CASK: variants seen among roughly 807,000 people sequenced by gnomAD.
The protein encoded by CASK is calcium/calmodulin dependent serine protein kinase.
Under a neutral mutation model 82.9 loss-of-function variants are expected in CASK, and 4 were observed. The ratio of observed to expected loss-of-function variants is 0.05; its 90% CI spans 0.02 to 0.11. CASK has a LOEUF of 0.11. Ranked by LOEUF, CASK falls within the 10% of genes least tolerant of loss-of-function variation. CASK has a pLI of 1.00. For missense variants in CASK, 358 were observed against 720.9 expected (o/e 0.50, Z 5.76); for synonymous variants, 259 against 253.5 (o/e 1.02, Z -0.20).
chrX:41,891,817 G>A (rs2072175358), intron 1 of CASK, among the ~76,000 whole-genome samples: 1 of 112,069 alleles, frequency 8.9e-6, no homozygotes, highest in Non-Finnish European at 1.9e-5. Context: ...CAAAATGGGG[G>A]AAAAACAAAT....
rs1317923664 is a variant in CASK at position 41,588,187 on chromosome X, A to G, written c.1234-1200T>C. 19 of 112,233 alleles carry G rather than the reference A, an allele frequency of 1.7e-4. No homozygotes were observed. The Admixed American group carries it at 1.8e-3, about 11-fold the overall frequency. The allele number at this position is 112,233 out of a possible 1,213,427, so 9.2% of individuals were successfully genotyped here. ...AGTGCTGGTTATGCTGTTAATTCAT[A>G]TTGTTTCAAGATGATAAACCAATTA... On this transcript the variant is annotated intron_variant, in intron 13 of 26. Coordinates refer to ENST00000378163, the MANE Select transcript of CASK (RefSeq NM_001367721.1).
intron 25 of CASK, chrX:41,529,385 A>AGCAGCAGCG (rs1437827635): frequency 3.9e-5 from 7 of 180,428 alleles, no homozygotes; most frequent in Admixed American, 1.3e-4. Context: ...GTGGAGCAGC[A>AGCAGCAGCG]GCAGCAGCGG....
intron 12 of CASK, among the ~76,000 whole-genome samples, chrX:41,594,878 C>T (rs1426674836): frequency 8.9e-6 from 1 of 111,798 alleles, no homozygotes; most frequent in East Asian, 2.8e-4. Flanking sequence ...GTCTGCCACA[C>T]CAAGGGCATC....
chrX:41,667,046 C>T (rs1428971669), intron 6 of CASK, among the ~76,000 whole-genome samples: 7 of 111,209 alleles, frequency 6.3e-5, no homozygotes, highest in East Asian at 2.8e-4. Flanking sequence ...ACTCCTACCA[C>T]TTCCTGGGCC....
intron 5 of CASK, among the ~76,000 whole-genome samples, chrX:41,701,392 C>A (rs2067790527): frequency 8.9e-6 from 1 of 112,383 alleles, no homozygotes; most frequent in Non-Finnish European, 1.9e-5. Context: ...GAAAAATATT[C>A]ACAACAGATA....
At chrX:41,650,938 T>G (rs1244058595) in intron 8 of CASK, among the ~76,000 whole-genome samples, 1 of 112,076 alleles carries the variant, frequency 8.9e-6, no homozygotes, top group Non-Finnish European at 1.9e-5. Flanking sequence ...CATCTTCAGA[T>G]GACATAAGTA....
chrX:41,682,788 T>C (rs756789678), intron 5 of CASK, among the ~76,000 whole-genome samples: 4 of 109,392 alleles, frequency 3.7e-5, no homozygotes, highest in Non-Finnish European at 7.6e-5. Context: ...ATTAAAAACA[T>C]TTTTTGGGGG....
chrX:41,579,871 T>C (rs1366478410), intron 14 of CASK, among the ~76,000 whole-genome samples: 1 of 111,328 alleles, frequency 9.0e-6, no homozygotes, highest in Non-Finnish European at 1.9e-5. Context: ...AAGAAGATAA[T>C]GCTGATTTGT....
At chrX:41,580,694 A>T (rs1051037516) in intron 14 of CASK, among the ~76,000 whole-genome samples, 1 of 111,715 alleles carries the variant, frequency 9.0e-6, no homozygotes, top group African/African-American at 3.3e-5. Flanking sequence ...ATCCAAACAG[A>T]AAAAGGGGGC....
chrX:41,528,243 G>A (rs771621617), intron 25 of CASK, among the ~76,000 whole-genome samples: 1 of 112,301 alleles, frequency 8.9e-6, no homozygotes, highest in African/African-American at 3.2e-5. Context: ...GAGTCATAAC[G>A]CCTGGCAAAA....
intron 15 of CASK, among the ~76,000 whole-genome samples, chrX:41,572,329 G>A (rs1006390219): frequency 4.6e-5 from 5 of 109,635 alleles, no homozygotes; most frequent in African/African-American, 1.7e-4. Context: ...GATACAGTCT[G>A]GTATAAATAT....
chrX:41,600,819 T>C (rs2065882962), intron 12 of CASK, among the ~76,000 whole-genome samples: 1 of 111,817 alleles, frequency 8.9e-6, no homozygotes, highest in African/African-American at 3.2e-5. Flanking sequence ...GAGAATTTGG[T>C]TTTTCCTAGT....
chrX:41,854,920 T>C (rs193200868), intron 1 of CASK, among the ~76,000 whole-genome samples: 1 of 112,393 alleles, frequency 8.9e-6, no homozygotes, highest in African/African-American at 3.2e-5. Context: ...TGATTACTTA[T>C]CCTGACAATA....
intron 11 of CASK, among the ~76,000 whole-genome samples, chrX:41,620,463 A>G (rs1249668937): frequency 8.9e-6 from 1 of 112,163 alleles, no homozygotes; most frequent in African/African-American, 3.2e-5. Flanking sequence ...TTAGCGATCA[A>G]TTAATACATT....
intron 1 of CASK, among the ~76,000 whole-genome samples, chrX:41,901,566 G>A (rs752942883): frequency 9.0e-6 from 1 of 111,588 alleles, no homozygotes; most frequent in African/African-American, 3.3e-5. Context: ...CCTTTTACCA[G>A]TCAGCCTGTC....
intron 1 of CASK, among the ~76,000 whole-genome samples, chrX:41,911,236 T>C (rs955051172): frequency 8.9e-6 from 1 of 112,185 alleles, no homozygotes; most frequent in African/African-American, 3.2e-5. Context: ...AGAGATTCCA[T>C]ATAAAGGCTG....
intron 8 of CASK, among the ~76,000 whole-genome samples, chrX:41,646,860 T>C (rs2066767326): frequency 8.9e-6 from 1 of 111,754 alleles, no homozygotes; most frequent in African/African-American, 3.2e-5. Context: ...TGGTTCGAGC[T>C]CAAGAAGGAA....
At chrX:41,674,052 C>T (rs1297963110) in intron 5 of CASK, among the ~76,000 whole-genome samples, 1 of 109,403 alleles carries the variant, frequency 9.1e-6, no homozygotes, top group African/African-American at 3.3e-5. Flanking sequence ...ATAACTTAGC[C>T]CCATCATTAT....
intron 2 of CASK, among the ~76,000 whole-genome samples, chrX:41,787,496 T>C (rs751617696): frequency 9.7e-5 from 10 of 103,425 alleles, no homozygotes; most frequent in Non-Finnish European, 1.6e-4. Context: ...ATATACAGTA[T>C]AGAGTGAGCT....
Sources: allele counts gnomAD v4.1 joint callset (sites outside exome capture counted in the v4.1 genomes callset), GRCh38; gene constraint gnomAD v4.1.1; transcripts MANE v1.5; gene names NCBI Gene and HGNC (gene_info 2026-07-23, HGNC 2026-07-21).